Variants in TENM4 observed in about 807,000 individuals in gnomAD.
TENM4 encodes the protein teneurin transmembrane protein 4.
TENM4 carries 82 observed loss-of-function variants against 243.3 expected under a neutral mutation model. That is an observed-to-expected ratio of 0.34 (90% CI 0.28 to 0.40). The LOEUF (loss-of-function observed/expected upper bound fraction) is 0.40, where lower values mean the gene tolerates loss of function less well. Among genes scored for constraint, TENM4 ranks in the 10% least tolerant of loss-of-function variants. The pLI is 1.00. For synonymous variants in TENM4, 1,412 were observed against 1,456.3 expected, an observed-to-expected ratio of 0.97 and a Z score of 0.69; for missense variants, 3,138 against 3,673.3, an observed-to-expected ratio of 0.85 and a Z score of 3.77.
intron 10 of TENM4, among the ~76,000 whole-genome samples, chr11:78,858,173 A>G (rs1858723051): frequency 6.6e-6 from 1 of 152,090 alleles, no homozygotes; most frequent in African/African-American, 2.4e-5. Context: ...TCCCTCAATG[A>G]GCGTATTTTT....
intron 1 of TENM4, among the ~76,000 whole-genome samples, chr11:79,335,265 C>T (rs1037021042): frequency 2.0e-5 from 3 of 152,214 alleles, no homozygotes; most frequent in African/African-American, 7.2e-5. Flanking sequence ...CTGGGGAAAG[C>T]CCCCTTCCCT....
chr11:78,868,055 T>A (rs1859027935), intron 9 of TENM4, among the ~76,000 whole-genome samples: 1 of 142,490 alleles, frequency 7.0e-6, no homozygotes. Flanking sequence ...TCCAAATGAT[T>A]TGGAAGACAG....
intron 4 of TENM4, among the ~76,000 whole-genome samples, chr11:79,133,612 A>G (rs1489597718): frequency 1.3e-5 from 2 of 152,162 alleles, no homozygotes; most frequent in African/African-American, 4.8e-5. Flanking sequence ...ATAAAATACT[A>G]GCTAACCAAA....
At chr11:78,817,405 G>C (rs1352323673) in intron 12 of TENM4, among the ~76,000 whole-genome samples, 1 of 152,152 alleles carries the variant, frequency 6.6e-6, no homozygotes, top group Non-Finnish European at 1.5e-5. Flanking sequence ...TATTAACACA[G>C]AGTTAAGAAC....
chr11:78,921,767 A>G (rs1856453798), intron 6 of TENM4, among the ~76,000 whole-genome samples: 1 of 152,008 alleles, frequency 6.6e-6, no homozygotes, highest in Non-Finnish European at 1.5e-5. Flanking sequence ...TGCCTATCTC[A>G]CTTGTGATCT....
intron 31 of TENM4, among the ~76,000 whole-genome samples, chr11:78,671,251 G>A (rs564586640): frequency 6.6e-6 from 1 of 151,690 alleles, no homozygotes; most frequent in Non-Finnish European, 1.5e-5. Context: ...CCCTCTCTGG[G>A]TTTGGGTTTT....
intron 6 of TENM4, among the ~76,000 whole-genome samples, chr11:78,925,058 T>C (rs974011248): frequency 6.6e-6 from 1 of 152,202 alleles, no homozygotes. Context: ...CAAACCCTAG[T>C]TTCTTTCTGT....
chr11:78,785,055 GTT>G (rs113286775), intron 16 of TENM4, among the ~76,000 whole-genome samples: 8 of 80,320 alleles, frequency 1.0e-4, no homozygotes, highest in African/African-American at 2.0e-4. Context: ...TTCTGTTTTT[GTT>G]TTTTTTTTTT....
intron 9 of TENM4, among the ~76,000 whole-genome samples, chr11:78,886,120 A>G (rs922785693): frequency 3.3e-5 from 5 of 152,220 alleles, no homozygotes; most frequent in Non-Finnish European, 7.3e-5. Flanking sequence ...ATTACAAATG[A>G]AAAGGTTATT....
chr11:79,264,242 G>A (rs991884445), intron 2 of TENM4, among the ~76,000 whole-genome samples: 1 of 152,056 alleles, frequency 6.6e-6, no homozygotes, highest in Non-Finnish European at 1.5e-5. Flanking sequence ...CAAGCTACCC[G>A]GGCTCAACAT....
intron 1 of TENM4, among the ~76,000 whole-genome samples, chr11:79,349,935 G>A (rs1417403799): frequency 2.6e-5 from 4 of 152,150 alleles, no homozygotes; most frequent in African/African-American, 9.7e-5. Flanking sequence ...CTGGATCCAG[G>A]AAGCCAGACC....
At chr11:79,017,762 T>C (rs1354947132) in intron 6 of TENM4, among the ~76,000 whole-genome samples, 1 of 152,150 alleles carries the variant, frequency 6.6e-6, no homozygotes, top group African/African-American at 2.4e-5. Context: ...GAGTCTGTGC[T>C]CTTGAAATGC....
rs376732159 is a variant in TENM4 at position 78,761,707 on chromosome 11, G to A, written c.2540-4686C>T. On this transcript the variant is annotated intron_variant, in intron 18 of 33. Transcript: ENST00000278550. ...CTTGGTCTCTTAGCACACCCCCCCA[G>A]CCCCGACAAGCCATGGCAGAGAAAT... Among the ~76,000 whole-genome samples, 1,151 of 151,378 alleles carry A rather than the reference G, an allele frequency of 7.6e-3. 13 individuals are homozygous for A. Among genetic ancestry groups the A allele is most frequent in the African/African-American group, 0.026 (1,087 of 41,190 alleles).
intron 6 of TENM4, among the ~76,000 whole-genome samples, chr11:78,916,766 A>G (rs1199263441): frequency 3.3e-5 from 5 of 152,072 alleles, no homozygotes; most frequent in Non-Finnish European, 7.4e-5. Flanking sequence ...AAATTTTTCA[A>G]TTTTTTTCAA....
At chr11:79,245,756 A>G (rs1371863719) in intron 2 of TENM4, among the ~76,000 whole-genome samples, 1 of 152,026 alleles carries the variant, frequency 6.6e-6, no homozygotes, top group Non-Finnish European at 1.5e-5. Flanking sequence ...CCTGGCCAAC[A>G]TGGTGAAACC....
chr11:79,400,878 A>G lies in TENM4; in HGVS notation c.-321+39631T>C, dbSNP rs531060630. On this transcript the variant is annotated intron_variant, in intron 1 of 33. Coordinates refer to ENST00000278550, the MANE Select transcript of TENM4 (RefSeq NM_001098816.3). ...AGCTCCAGAAGGTACACTCAGCTCC[A>G]GAGAACTGGAGATAGCCCTGCATGC... 3.3e-5 allele frequency among the ~76,000 whole-genome samples: 5 copies of G among 152,336 alleles called. 1 individual carries two copies. Among genetic ancestry groups the G allele is most frequent in the African/African-American group, 1.2e-4 (5 of 41,590 alleles).
intron 23 of TENM4, among the ~76,000 whole-genome samples, chr11:78,723,375 A>G (rs1855444899): frequency 6.6e-6 from 1 of 152,258 alleles, no homozygotes; most frequent in African/African-American, 2.4e-5. Context: ...TCAAGTGTGG[A>G]GACTATGTCT....
intron 15 of TENM4, among the ~76,000 whole-genome samples, chr11:78,799,901 C>G (rs1857246983): frequency 6.6e-6 from 1 of 152,012 alleles, no homozygotes; most frequent in Non-Finnish European, 1.5e-5. Context: ...GGAGACAAGA[C>G]TGGAGAGAGC....
chr11:79,389,771 T>A (rs1420325043), intron 1 of TENM4, among the ~76,000 whole-genome samples: 1 of 152,238 alleles, frequency 6.6e-6, no homozygotes. Flanking sequence ...TCAGTAGACC[T>A]GTGTCACAAA....
Sources: gnomAD v4.1 joint callset for allele counts (sites outside exome capture counted in the v4.1 genomes callset) on GRCh38, gnomAD v4.1.1 for gene constraint, MANE v1.5 for transcripts, NCBI Gene and HGNC (gene_info 2026-07-23, HGNC 2026-07-21) for gene names.